SEMA4F: variants seen among roughly 807,000 people sequenced by gnomAD.
SEMA4F encodes semaphorin-4F.
A neutral mutation model predicts 78.4 loss-of-function variants in SEMA4F; 51 were observed. The observed-to-expected ratio is 0.65, with a 90% CI of 0.52 to 0.82. The LOEUF is 0.82. SEMA4F is among the 40% of genes least tolerant of loss of function. SEMA4F has a pLI of 0.00. For synonymous variants in SEMA4F, 418 were observed against 408.7 expected (o/e 1.02, Z -0.27); for missense variants, 938 against 1,014.4 (o/e 0.92, Z 1.02).
intron 5 of SEMA4F, among the ~76,000 whole-genome samples, chr2:74,670,217 T>C (rs1684912887): frequency 6.6e-6 from 1 of 152,168 alleles, no homozygotes. Context: ...TCCTGAAGAG[T>C]CCAGGACATG....
chr2:74,679,464 T>G, intron 13 of SEMA4F, 130 bp downstream of exon 13: 4 of 1,482,196 alleles, frequency 2.7e-6, no homozygotes, highest in Non-Finnish European at 3.7e-6. Context: ...CCTCGGGCCT[T>G]AGCCTCTTTA....
chr2:74,700,119 C>T, the SEMA4F span, among the ~76,000 whole-genome samples: 1 of 151,066 alleles, frequency 6.6e-6, no homozygotes, highest in African/African-American at 2.4e-5. Context: ...GCGTTGGGGG[C>T]ATGAAAGGAC....
intron 1 of SEMA4F, 44 bp from the exon 2 acceptor site, chr2:74,656,490 C>G (rs1684143169): frequency 6.3e-7 from 1 of 1,595,962 alleles, no homozygotes. Flanking sequence ...GGACTTGACC[C>G]TTAGGAAGCG....
chr2:74,678,571 A>G (rs1685413580), intron 12 of SEMA4F, among the ~76,000 whole-genome samples: 1 of 152,174 alleles, frequency 6.6e-6, no homozygotes, highest in Non-Finnish European at 1.5e-5. Flanking sequence ...CTTTTCACTG[A>G]CAACCCTAGT....
intron 5 of SEMA4F, among the ~76,000 whole-genome samples, chr2:74,663,043 G>C (rs1345262283): frequency 1.3e-5 from 2 of 152,124 alleles, no homozygotes; most frequent in Non-Finnish European, 2.9e-5. Context: ...TGTGTCCTCT[G>C]CACCTCTAGT....
At chr2:74,662,891 A>T in intron 5 of SEMA4F, 66 bp downstream of exon 5, 1 of 1,333,896 alleles carries the variant, frequency 7.5e-7, no homozygotes, top group Non-Finnish European at 1.1e-6. Flanking sequence ...CCTTGCTGTT[A>T]GAATTTCTGT....
Position 74,679,720 on chromosome 2 carries a change from C to G in SEMA4F, c.1824C>G (p.Thr608=). The G allele has an allele frequency of 6.2e-7, 1 of 1,614,154 alleles. No homozygotes were observed. The highest frequency in any genetic ancestry group is 8.5e-7 in the Non-Finnish European group (1 of 1,180,038). ...WHQPSGVTAL[T]PRRDGLEVVV... ...AGCCCAGTGGAGTGACTGCACTCAC[C>G]CCCCGGCGGGATGGACTGGAGGTGG... is the stretch of plus-strand genomic sequence containing the variant. Residue 608 remains threonine (T), a synonymous_variant, in exon 14 of 14, where the codon ACC becomes ACG. Coordinates refer to ENST00000357877, the MANE Select transcript of SEMA4F (RefSeq NM_004263.5).
chr2:74,655,581 T>C (rs141617023), intron 1 of SEMA4F, among the ~76,000 whole-genome samples: 482 of 152,262 alleles, frequency 3.2e-3, no homozygotes, highest in Non-Finnish European at 6.0e-3. Flanking sequence ...GAAGGCGAAG[T>C]TGTGGCCAGA....
chr2:74,663,557 A>G (rs1352932961), intron 5 of SEMA4F, among the ~76,000 whole-genome samples: 1 of 152,208 alleles, frequency 6.6e-6, no homozygotes, highest in Non-Finnish European at 1.5e-5. Context: ...TAGTGCTAGT[A>G]TCTCCCTCTG....
At position 74,681,920 on chromosome 2, in the gene SEMA4F, G is replaced by A. The variant is rs1685636880; in HGVS notation, c.*1711G>A. 1 of 152,638 alleles carries A rather than the reference G, an allele frequency of 6.6e-6. No homozygotes were observed. Among genetic ancestry groups the A allele is most frequent in the Non-Finnish European group, 1.5e-5 (1 of 68,030 alleles). 9.5% of individuals were successfully genotyped at this position (152,638 alleles called of 1,614,324 possible). A position where few individuals can be genotyped will look rare whatever the true frequency, so the allele number is the denominator to read the frequency against. ...ATCAGTGGCTTTGCCACTAGTAAATGTGTGATCTTCGGCAAGTAACCTAAC... is the reference window on the plus strand; with the variant it reads ...ATCAGTGGCTTTGCCACTAGTAAATATGTGATCTTCGGCAAGTAACCTAAC... On this transcript the variant is annotated 3_prime_UTR_variant, in exon 14 of 14. Coordinates refer to ENST00000357877, the MANE Select transcript of SEMA4F (RefSeq NM_004263.5).
chr2:74,673,851 T>G, intron 7 of SEMA4F, 23 bp downstream of exon 7: 1 of 1,606,296 alleles, frequency 6.2e-7, no homozygotes, highest in Non-Finnish European at 8.5e-7. Flanking sequence ...CCCAGCTGTC[T>G]GTCTGTCATC....
rs756066775 is a variant in SEMA4F at position 74,675,776 on chromosome 2, G to C, written c.1510G>C (p.Glu504Gln). 3.7e-6 allele frequency: 6 copies of C among 1,614,226 alleles called. No homozygotes were observed. The South Asian group carries it at 6.6e-5, about 18-fold the overall frequency. The change falls in exon 12 of 14, where the codon GAG (glutamate) becomes CAG (glutamine). Residue 504 changes from glutamate to glutamine, a missense_variant. By Grantham distance (29) the Glu-to-Gln change is conservative. Transcript: ENST00000357877. ...HSWLLVGSRT[E>Q]VTQVNTTNCG... ...CTGGCTCCTGGTTGGCTCCCGTACT[G>C]AGGTGACACAAGTGAATACAACCAA...
chr2:74,691,648 C>T, the SEMA4F span, among the ~76,000 whole-genome samples: 3 of 152,150 alleles, frequency 2.0e-5, no homozygotes, highest in East Asian at 1.9e-4. Flanking sequence ...TTTCCTAAAA[C>T]GTTTTGGAGT....
the SEMA4F span, among the ~76,000 whole-genome samples, chr2:74,698,944 T>G: frequency 1.3e-5 from 2 of 152,204 alleles, no homozygotes; most frequent in Non-Finnish European, 2.9e-5. Flanking sequence ...TCTTACAGAA[T>G]CACAGACTCC....
chr2:74,654,433 C>G lies in SEMA4F; in HGVS notation c.57C>G (p.Pro19=), dbSNP rs1684006632. 6.4e-7 allele frequency: 1 copy of G among 1,567,658 alleles called. No individual in the cohort carries two copies. The highest frequency in any genetic ancestry group is 8.6e-7 in the Non-Finnish European group (1 of 1,162,834). Residue 19 remains proline, a synonymous_variant, in exon 1 of 14, where the codon CCC becomes CCG. Transcript: ENST00000357877. The part of the protein sequence containing the change: ...RPGPGQPTAS[P]FPLLLLAVLS... ...GTCCCGGGCAGCCTACAGCCTCGCC[C>G]TTCCCGCTACTGCTGCTGGCGGTGC...
At chr2:74,697,976 T>TC in the SEMA4F span, among the ~76,000 whole-genome samples, 2 of 151,884 alleles carry the variant, frequency 1.3e-5, no homozygotes, top group African/African-American at 4.8e-5. Context: ...GGCAGCAAGG[T>TC]CCCCTCTCCA....
At chr2:74,705,420 T>G in the SEMA4F span, among the ~76,000 whole-genome samples, 1 of 152,234 alleles carries the variant, frequency 6.6e-6, no homozygotes, top group African/African-American at 2.4e-5. Context: ...GTTGAGTAAG[T>G]AGAGACATCC....
intron 3 of SEMA4F, 63 bp downstream of exon 3, chr2:74,657,687 C>T: frequency 1.3e-6 from 2 of 1,535,940 alleles, no homozygotes; most frequent in South Asian, 1.1e-5. Context: ...CCCTGACTCT[C>T]AGTCCCCTGT....
chr2:74,677,244 A>C (rs1489274496), intron 12 of SEMA4F, among the ~76,000 whole-genome samples: 1 of 152,154 alleles, frequency 6.6e-6, no homozygotes, highest in Non-Finnish European at 1.5e-5. Context: ...GTTCAATCAT[A>C]TCCAAAAGTA....
Sources: gnomAD v4.1 joint callset for allele counts (sites outside exome capture counted in the v4.1 genomes callset) on GRCh38, gnomAD v4.1.1 for gene constraint, MANE v1.5 for transcripts, NCBI Gene and HGNC (gene_info 2026-07-23, HGNC 2026-07-21) for gene names.